The following GRIN2B variants were observed in gnomAD, a reference collection of about 807,000 sequenced individuals.
The protein encoded by GRIN2B is glutamate ionotropic receptor NMDA type subunit 2B, also known as glutamate receptor ionotropic, NMDA 2B.
Under a neutral mutation model 114.5 loss-of-function variants are expected in GRIN2B, and 5 were observed. The ratio of observed to expected loss-of-function variants is 0.04; its 90% CI spans 0.02 to 0.09. The LOEUF (loss-of-function observed/expected upper bound fraction) is 0.09, where lower values mean the gene tolerates loss of function less well. GRIN2B is among the 10% of genes least tolerant of loss of function. The pLI is 1.00. For missense variants in GRIN2B, 1,108 were observed against 1,943.5 expected, an observed-to-expected ratio of 0.57 and a Z score of 8.08; for synonymous variants, 787 against 745.1, an observed-to-expected ratio of 1.06 and a Z score of -0.92.
At chr12:13,619,828 T>A (rs575419186) in intron 5 of GRIN2B, among the ~76,000 whole-genome samples, 28 of 152,316 alleles carry the variant, frequency 1.8e-4, no homozygotes, top group African/African-American at 6.0e-4. Flanking sequence ...CCACGGTAAG[T>A]GACTTGAAGC....
At chr12:13,829,543 A>T (rs1865110641) in intron 3 of GRIN2B, among the ~76,000 whole-genome samples, 1 of 152,198 alleles carries the variant, frequency 6.6e-6, no homozygotes, top group African/African-American at 2.4e-5. Flanking sequence ...CTGCTTTATC[A>T]TCTGCAGCCC....
chr12:13,887,549 AAAAT>A (rs1217047894), intron 2 of GRIN2B, among the ~76,000 whole-genome samples: 1 of 152,260 alleles, frequency 6.6e-6, no homozygotes, highest in Non-Finnish European at 1.5e-5. Flanking sequence ...TGGAAGTAGA[AAAAT>A]AAATAAATAA....
intron 2 of GRIN2B, among the ~76,000 whole-genome samples, chr12:13,905,866 C>T (rs548916974): frequency 6.6e-6 from 1 of 152,268 alleles, no homozygotes; most frequent in South Asian, 2.1e-4. Flanking sequence ...CCGTTCTGCT[C>T]AGCCTCAAGG....
intron 2 of GRIN2B, among the ~76,000 whole-genome samples, chr12:13,971,059 C>A (rs889737428): frequency 6.6e-6 from 1 of 152,176 alleles, no homozygotes; most frequent in Non-Finnish European, 1.5e-5. Context: ...AGGGTAAAGG[C>A]TGCAGTAGCT....
chr12:13,808,587 C>T lies in GRIN2B; in HGVS notation c.412-54672G>A, dbSNP rs11055627. ...GGAAGGGGAACATCACACACCAGGGCCTGTTGTGGGGTGGGGGAAGGGGGG... is the reference window on the plus strand; with the variant it reads ...GGAAGGGGAACATCACACACCAGGGTCTGTTGTGGGGTGGGGGAAGGGGGG... On this transcript the variant is annotated intron_variant, in intron 3 of 13. Transcript: ENST00000609686. 6.6e-5 allele frequency among the ~76,000 whole-genome samples: 10 copies of T among 150,996 alleles called. No individual in the cohort carries two copies. In the East Asian group the frequency reaches 1.8e-3, roughly 27 times the overall value.
At chr12:13,870,415 G>A (rs1591595297) in intron 2 of GRIN2B, among the ~76,000 whole-genome samples, 1 of 152,080 alleles carries the variant, frequency 6.6e-6, no homozygotes, top group African/African-American at 2.4e-5. Context: ...GTGATCCCGA[G>A]ATCCATAGCA....
chr12:13,707,396 T>C (rs367599493), intron 4 of GRIN2B, among the ~76,000 whole-genome samples: 3 of 152,272 alleles, frequency 2.0e-5, no homozygotes, highest in Admixed American at 6.5e-5. Flanking sequence ...GTGATATTAA[T>C]CACTATATCT....
At chr12:13,713,679 GT>G (rs77484247) in intron 4 of GRIN2B, among the ~76,000 whole-genome samples, 1 of 151,450 alleles carries the variant, frequency 6.6e-6, no homozygotes, top group African/African-American at 2.4e-5. Context: ...ATTTTTGCCT[GT>G]TTTTTTTCTT....
intron 4 of GRIN2B, among the ~76,000 whole-genome samples, chr12:13,710,434 A>G (rs1239734414): frequency 6.6e-6 from 1 of 152,164 alleles, no homozygotes; most frequent in African/African-American, 2.4e-5. Flanking sequence ...AGAGGAAGTC[A>G]AATTGTCCCT....
chr12:13,575,301 T>C (rs906951506), intron 10 of GRIN2B, among the ~76,000 whole-genome samples: 1 of 152,172 alleles, frequency 6.6e-6, no homozygotes, highest in Non-Finnish European at 1.5e-5. Flanking sequence ...ATTAAAGCTA[T>C]TAAAACACTA....
At chr12:13,713,138 T>C (rs1175269352) in intron 4 of GRIN2B, among the ~76,000 whole-genome samples, 1 of 151,822 alleles carries the variant, frequency 6.6e-6, no homozygotes, top group Non-Finnish European at 1.5e-5. Flanking sequence ...ACATGAAACA[T>C]TTACAGTACA....
chr12:13,697,001 G>A (rs1256582402), intron 4 of GRIN2B, among the ~76,000 whole-genome samples: 2 of 152,144 alleles, frequency 1.3e-5, no homozygotes, highest in Non-Finnish European at 2.9e-5. Context: ...AAACCCAGCA[G>A]GAGGGGAAAG....
chr12:13,602,482 A>C (rs1422843941), intron 10 of GRIN2B, among the ~76,000 whole-genome samples: 1 of 152,194 alleles, frequency 6.6e-6, no homozygotes, highest in Non-Finnish European at 1.5e-5. Flanking sequence ...TTCCAGCCTA[A>C]AGTTAATAGG....
In GRIN2B at chr12:13,753,956, A is replaced by G; in HGVS notation, c.412-41T>C. The G allele has an allele frequency of 3.0e-6, 4 of 1,345,276 alleles. No homozygotes were observed. Among genetic ancestry groups the G allele is most frequent in the South Asian group, 1.2e-5 (1 of 84,416 alleles). 83.3% of individuals were successfully genotyped at this position (1,345,276 alleles called of 1,614,324 possible). On this transcript the variant is annotated intron_variant, in intron 3 of 13. Coordinates refer to ENST00000609686, the MANE Select transcript of GRIN2B (RefSeq NM_000834.5). The surrounding 1 kb of genome is among the most constrained non-coding windows in gnomAD (Gnocchi z 6.2). Reference sequence around the variant, plus strand: ...GACAAAAAAAGGAAGAGAGAAAAAAATCAAACCAAAGATGGTAATGGAGAT... The same window carrying G: ...GACAAAAAAAGGAAGAGAGAAAAAAGTCAAACCAAAGATGGTAATGGAGAT...
At chr12:13,773,309 G>A (rs1356820834) in intron 3 of GRIN2B, among the ~76,000 whole-genome samples, 1 of 152,166 alleles carries the variant, frequency 6.6e-6, no homozygotes, top group East Asian at 1.9e-4. Context: ...GCACACACCT[G>A]CACAATATTG....
At chr12:13,944,927 A>T (rs1157210941) in intron 2 of GRIN2B, among the ~76,000 whole-genome samples, 1 of 152,188 alleles carries the variant, frequency 6.6e-6, no homozygotes, top group Non-Finnish European at 1.5e-5. Context: ...ATTTTCTTAC[A>T]TGCTTACGGC....
chr12:13,622,471 C>G (rs1374177964), intron 5 of GRIN2B, among the ~76,000 whole-genome samples: 2 of 152,152 alleles, frequency 1.3e-5, no homozygotes, highest in Admixed American at 6.5e-5. Flanking sequence ...AGCTATACAT[C>G]TTAACTCAAC....
At chr12:13,719,415 C>T (rs1456432857) in intron 4 of GRIN2B, among the ~76,000 whole-genome samples, 1 of 90,400 alleles carries the variant, frequency 1.1e-5, no homozygotes, top group African/African-American at 4.0e-5. Flanking sequence ...AAAGTAGGAT[C>T]ACTTAAAAAA....
At chr12:13,679,655 A>G (rs1332290370) in intron 4 of GRIN2B, among the ~76,000 whole-genome samples, 1 of 152,306 alleles carries the variant, frequency 6.6e-6, no homozygotes, top group South Asian at 2.1e-4. Context: ...CTGTGTTTTC[A>G]TGAGTAATTT....
Sources: gnomAD v4.1 joint callset for allele counts (sites outside exome capture counted in the v4.1 genomes callset) on GRCh38, gnomAD v4.1.1 for gene constraint, Gnocchi (gnomAD v3.1) non-coding constraint, MANE v1.5 for transcripts, NCBI Gene and HGNC (gene_info 2026-07-23, HGNC 2026-07-21) for gene names.